CTNNA3: variants seen among roughly 807,000 people sequenced by gnomAD.
CTNNA3 encodes the protein catenin alpha-3.
A neutral mutation model predicts 95.7 loss-of-function variants in CTNNA3; 76 were observed. The ratio of observed to expected loss-of-function variants is 0.79; its 90% CI spans 0.66 to 0.96. The LOEUF (loss-of-function observed/expected upper bound fraction) is 0.96, where lower values mean the gene tolerates loss of function less well. CTNNA3 is among the 40% of genes least tolerant of loss of function. The pLI, the probability that CTNNA3 is intolerant of heterozygous loss-of-function variation, is 0.00. For missense variants in CTNNA3, 1,191 were observed against 1,089.8 expected (o/e 1.09, Z -1.31); for synonymous variants, 431 against 374.4 (o/e 1.15, Z -1.74).
intron 7 of CTNNA3, among the ~76,000 whole-genome samples, chr10:66,779,039 C>CCCAACCCTCAA (rs1840425133): frequency 6.6e-6 from 1 of 151,696 alleles, no homozygotes; most frequent in Admixed American, 6.6e-5. Flanking sequence ...ACCAAAAAAT[C>CCCAACCCTCAA]CCAACCCTCA....
At chr10:66,113,295 C>T (rs2082188567) in intron 13 of CTNNA3, among the ~76,000 whole-genome samples, 1 of 152,040 alleles carries the variant, frequency 6.6e-6, no homozygotes, top group Non-Finnish European at 1.5e-5. Context: ...AGAAGTGTGT[C>T]AGTGGACCTG....
chr10:67,129,142 T>A (rs1859868522), intron 7 of CTNNA3, among the ~76,000 whole-genome samples: 2 of 152,170 alleles, frequency 1.3e-5, no homozygotes, highest in African/African-American at 4.8e-5. Context: ...GACTGTGACA[T>A]TTTGTATTAA....
At chr10:67,285,989 T>C (rs1053215114) in intron 5 of CTNNA3, among the ~76,000 whole-genome samples, 1 of 152,198 alleles carries the variant, frequency 6.6e-6, no homozygotes. Context: ...GCAGGTAGTA[T>C]TCCAGCTGTT....
intron 7 of CTNNA3, among the ~76,000 whole-genome samples, chr10:66,867,428 C>T (rs904929513): frequency 6.6e-6 from 1 of 151,548 alleles, no homozygotes; most frequent in Non-Finnish European, 1.5e-5. Context: ...ATTGTCCTCA[C>T]ATTTGCAAAT....
intron 16 of CTNNA3, 21 bp from the exon 17 acceptor site, chr10:65,966,767 A>G: frequency 6.3e-7 from 1 of 1,580,092 alleles, no homozygotes; most frequent in Non-Finnish European, 8.7e-7. Context: ...ATCAAAGATA[A>G]AAATAGATAC....
At chr10:67,409,600 T>A (rs1249399967) in intron 5 of CTNNA3, among the ~76,000 whole-genome samples, 1 of 150,796 alleles carries the variant, frequency 6.6e-6, no homozygotes, top group Non-Finnish European at 1.5e-5. Flanking sequence ...GGAGGTGGGG[T>A]AGGGGGAGGG....
intron 13 of CTNNA3, among the ~76,000 whole-genome samples, chr10:66,196,855 G>T (rs1446783713): frequency 1.3e-5 from 2 of 152,200 alleles, no homozygotes; most frequent in Non-Finnish European, 2.9e-5. Flanking sequence ...TTCAGCTGCA[G>T]TGGTGACACC....
intron 12 of CTNNA3, among the ~76,000 whole-genome samples, chr10:66,354,094 C>A (rs1421323357): frequency 6.6e-6 from 1 of 151,910 alleles, no homozygotes; most frequent in Non-Finnish European, 1.5e-5. Context: ...ACCAGCCTGG[C>A]CAACATGGCA....
chr10:66,399,174 T>C (rs553584169), intron 11 of CTNNA3, among the ~76,000 whole-genome samples: 7 of 151,702 alleles, frequency 4.6e-5, no homozygotes, highest in Non-Finnish European at 7.4e-5. Context: ...ATTTCAAATG[T>C]TGACATAAGC....
At chr10:67,459,263 T>G (rs756820743) in intron 5 of CTNNA3, among the ~76,000 whole-genome samples, 22 of 152,200 alleles carry the variant, frequency 1.4e-4, no homozygotes, top group Non-Finnish European at 3.1e-4. Flanking sequence ...TGATCTACAG[T>G]GCAACTTCTC....
At chr10:67,748,210 A>G (rs1342130007) in intron 1 of CTNNA3, among the ~76,000 whole-genome samples, 1 of 152,226 alleles carries the variant, frequency 6.6e-6, no homozygotes, top group Non-Finnish European at 1.5e-5. Flanking sequence ...AACTTCTCCA[A>G]CTTAGCAAAA....
chr10:66,123,706 C>G (rs901112224), intron 13 of CTNNA3, among the ~76,000 whole-genome samples: 1 of 152,138 alleles, frequency 6.6e-6, no homozygotes, highest in Non-Finnish European at 1.5e-5. Context: ...GGTGGAGGTA[C>G]CCAAACCCAA....
At chr10:66,325,171 C>G (rs1248018629) in intron 12 of CTNNA3, among the ~76,000 whole-genome samples, 1 of 152,052 alleles carries the variant, frequency 6.6e-6, no homozygotes, top group Non-Finnish European at 1.5e-5. Context: ...TGCAAATACA[C>G]TTAACGATAA....
At chr10:66,632,383 A>G (rs7086365) in intron 9 of CTNNA3, among the ~76,000 whole-genome samples, 61,815 of 151,348 alleles carry the variant, frequency 0.41, 12,822 homozygotes, top group Middle Eastern at 0.54. Context: ...GTGCAACCCC[A>G]TCTCTACTAA....
chr10:67,337,037 G>T (rs757229091), intron 5 of CTNNA3, among the ~76,000 whole-genome samples: 19 of 152,154 alleles, frequency 1.2e-4, no homozygotes, highest in Non-Finnish European at 2.5e-4. Context: ...GGATCAAGGA[G>T]TAAATTCAAC....
At chr10:67,213,998 T>C (rs1864245349) in intron 6 of CTNNA3, among the ~76,000 whole-genome samples, 1 of 151,840 alleles carries the variant, frequency 6.6e-6, no homozygotes, top group Non-Finnish European at 1.5e-5. Flanking sequence ...TCCTTTGACT[T>C]TCAAACTATC....
chr10:67,471,132 C>A (rs1847807242), intron 5 of CTNNA3, among the ~76,000 whole-genome samples: 1 of 152,102 alleles, frequency 6.6e-6, no homozygotes, highest in Non-Finnish European at 1.5e-5. Flanking sequence ...CAGCCAAGAC[C>A]TTTAGTCTTA....
chr10:67,180,196 C>A, intron 7 of CTNNA3, 121 bp downstream of exon 7: 1 of 844,414 alleles, frequency 1.2e-6, no homozygotes, highest in Non-Finnish European at 1.9e-6. Flanking sequence ...GAAAATCAAC[C>A]TATGTAAAAT....
At chr10:66,614,892 G>A (rs1163254665) in intron 10 of CTNNA3, among the ~76,000 whole-genome samples, 1 of 151,834 alleles carries the variant, frequency 6.6e-6, no homozygotes, top group Admixed American at 6.6e-5. Context: ...ATTCACCACA[G>A]GGAAAATACC....
Sources: allele counts gnomAD v4.1 joint callset (sites outside exome capture counted in the v4.1 genomes callset), GRCh38; gene constraint gnomAD v4.1.1; transcripts MANE v1.5; gene names NCBI Gene and HGNC (gene_info 2026-07-23, HGNC 2026-07-21).